Variants in OXR1 observed in about 807,000 individuals in gnomAD.
OXR1 encodes oxidation resistance 1.
OXR1 carries 41 observed loss-of-function variants against 104.6 expected under a neutral mutation model. The ratio of observed to expected loss-of-function variants is 0.39; its 90% CI spans 0.31 to 0.51. The LOEUF (loss-of-function observed/expected upper bound fraction) is 0.51. Ranked by LOEUF, OXR1 falls within the 20% of genes least tolerant of loss-of-function variation. The pLI is 0.77. For missense variants in OXR1, 955 were observed against 1,031.9 expected (o/e 0.93, Z 1.02); for synonymous variants, 348 against 348.4 (o/e 1.00, Z 0.01).
intron 3 of OXR1, among the ~76,000 whole-genome samples, chr8:106,551,062 T>C (rs1310979939): frequency 6.6e-6 from 1 of 152,222 alleles, no homozygotes; most frequent in Admixed American, 6.5e-5. Context: ...AATAAATCTT[T>C]CCTTCCTCAG....
chr8:106,404,650 T>C (rs995289001), intron 2 of OXR1, among the ~76,000 whole-genome samples: 2 of 152,036 alleles, frequency 1.3e-5, no homozygotes, highest in African/African-American at 4.8e-5. Flanking sequence ...CCAAACTTAC[T>C]ATGTTTGTTA....
intron 2 of OXR1, among the ~76,000 whole-genome samples, chr8:106,383,728 G>C (rs1173063847): frequency 6.6e-6 from 1 of 152,078 alleles, no homozygotes; most frequent in African/African-American, 2.4e-5. Flanking sequence ...CCATACCATA[G>C]GAATTAACTT....
At position 106,288,591 on chromosome 8, in the gene OXR1, CCATA is replaced by C. The variant is rs1364515114; in HGVS notation, c.-139+18225_-139+18228del. Among the ~76,000 whole-genome samples the C allele has an allele frequency of 5.6e-5, 6 of 106,590 alleles. No homozygotes were observed. The East Asian group carries it at 1.4e-3, about 25-fold the overall frequency. The allele number at this position is 106,590 out of a possible 152,430, so 69.9% of individuals were successfully genotyped here. On this transcript the variant is annotated intron_variant, in intron 1 of 16. Coordinates refer to ENST00000517566, the MANE Select transcript of OXR1 (RefSeq NM_001198533.2). ...TATGGTGTGTATATGTATATACACA[CCATA>C]TATATACTCTCTATATATTTATATA...
rs1344721748 is a variant in OXR1 at position 106,658,308 on chromosome 8, C to T, written c.221-20902C>T. ...TCTGGCAGGTGTGCCTGGGCCGGGGCGGGCAACGTGGCCGGGGTGGCGGCC... is the reference window on the plus strand; with the variant it reads ...TCTGGCAGGTGTGCCTGGGCCGGGGTGGGCAACGTGGCCGGGGTGGCGGCC... On this transcript the variant is annotated intron_variant, in intron 3 of 16. Transcript: ENST00000517566. 3 of 1,148,802 alleles carry T rather than the reference C, an allele frequency of 2.6e-6. No individual in the cohort carries two copies. In the African/African-American group the frequency reaches 4.8e-5, roughly 18 times the overall value. 71.2% of individuals were successfully genotyped at this position (1,148,802 alleles called of 1,614,324 possible).
intron 2 of OXR1, among the ~76,000 whole-genome samples, chr8:106,490,369 T>G (rs1810994951): frequency 6.6e-6 from 1 of 152,046 alleles, no homozygotes; most frequent in African/African-American, 2.4e-5. Flanking sequence ...ATTGATTGAT[T>G]GATTTTTGAG....
intron 1 of OXR1, among the ~76,000 whole-genome samples, chr8:106,279,041 G>C (rs1448700092): frequency 6.6e-6 from 1 of 152,076 alleles, no homozygotes; most frequent in Non-Finnish European, 1.5e-5. Context: ...TTCATTTTCT[G>C]TTATATCTAT....
intron 3 of OXR1, among the ~76,000 whole-genome samples, chr8:106,555,947 T>C (rs200615047): frequency 7.3e-5 from 3 of 41,046 alleles, no homozygotes; most frequent in Non-Finnish European, 1.5e-4. Context: ...TATATATATA[T>C]ACACAATGGA....
chr8:106,389,440 A>C (rs942789308), intron 2 of OXR1, among the ~76,000 whole-genome samples: 1 of 152,210 alleles, frequency 6.6e-6, no homozygotes, highest in African/African-American at 2.4e-5. Context: ...ATAAACATGA[A>C]TACTATATCC....
chr8:106,399,009 T>C (rs1376335148), intron 2 of OXR1, among the ~76,000 whole-genome samples: 1 of 152,166 alleles, frequency 6.6e-6, no homozygotes, highest in African/African-American at 2.4e-5. Context: ...ATTGGAATAC[T>C]AAATCTTTTA....
chr8:106,293,310 T>C (rs1024261280), intron 1 of OXR1, among the ~76,000 whole-genome samples: 12 of 152,182 alleles, frequency 7.9e-5, no homozygotes, highest in African/African-American at 2.4e-4. Flanking sequence ...CAGTCCCTTA[T>C]CTTGTCGTAG....
At chr8:106,414,138 A>T (rs1278177084) in intron 2 of OXR1, among the ~76,000 whole-genome samples, 1 of 152,128 alleles carries the variant, frequency 6.6e-6, no homozygotes, top group Non-Finnish European at 1.5e-5. Flanking sequence ...CTAAGGAGCT[A>T]TGTAAAATTT....
chr8:106,590,905 A>G (rs1479593866), intron 3 of OXR1, among the ~76,000 whole-genome samples: 2 of 152,090 alleles, frequency 1.3e-5, no homozygotes, highest in African/African-American at 4.8e-5. Context: ...TCCTTGAGGA[A>G]GCCCACTCTA....
chr8:106,303,248 C>CT (rs1164596413), intron 1 of OXR1, among the ~76,000 whole-genome samples: 7,682 of 92,490 alleles, frequency 0.083, 475 homozygotes, highest in African/African-American at 0.12. Flanking sequence ...TTTTTTCTTT[C>CT]TTTTTTTTTT....
chr8:106,341,358 T>A (rs1815239094), intron 1 of OXR1, among the ~76,000 whole-genome samples: 1 of 150,082 alleles, frequency 6.7e-6, no homozygotes, highest in East Asian at 1.9e-4. Flanking sequence ...ACTTACATAT[T>A]GATTTCCTCA....
At chr8:106,672,101 G>A (rs772202812) in intron 3 of OXR1, among the ~76,000 whole-genome samples, 34 of 151,374 alleles carry the variant, frequency 2.2e-4, no homozygotes, top group Non-Finnish European at 3.4e-4. Context: ...GATATGTGGG[G>A]AAAAACCGGA....
At chr8:106,284,893 G>A (rs1297613670) in intron 1 of OXR1, among the ~76,000 whole-genome samples, 8 of 151,998 alleles carry the variant, frequency 5.3e-5, no homozygotes, top group Non-Finnish European at 1.2e-4. Flanking sequence ...TTATTATAAA[G>A]GGCTGGAGAT....
At chr8:106,570,970 G>T (rs1287570040) in intron 3 of OXR1, among the ~76,000 whole-genome samples, 1 of 151,960 alleles carries the variant, frequency 6.6e-6, no homozygotes, top group Non-Finnish European at 1.5e-5. Context: ...ATGCCAATTA[G>T]CTTAGACTTG....
chr8:106,349,340 C>T (rs1314572990), intron 1 of OXR1, among the ~76,000 whole-genome samples: 1 of 151,852 alleles, frequency 6.6e-6, no homozygotes, highest in Non-Finnish European at 1.5e-5. Flanking sequence ...GATGTTTGTC[C>T]ATTTTTAAGA....
At chr8:106,697,776 C>G in intron 7 of OXR1, 1 of 1,613,194 alleles carries the variant, frequency 6.2e-7, no homozygotes, top group Non-Finnish European at 8.5e-7. Flanking sequence ...AGGCCTGGAT[C>G]TTCTTTACTG....
Sources: allele counts gnomAD v4.1 joint callset (sites outside exome capture counted in the v4.1 genomes callset), GRCh38; gene constraint gnomAD v4.1.1; transcripts MANE v1.5; gene names NCBI Gene and HGNC (gene_info 2026-07-23, HGNC 2026-07-21).